Variants in PLEKHA6 observed in about 807,000 individuals in gnomAD.
The protein encoded by PLEKHA6 is pleckstrin homology domain containing A6, also known as pleckstrin homology domain-containing family A member 6.
In PLEKHA6, 60 loss-of-function variants were observed where a neutral mutation model predicts 116.7. The ratio of observed to expected loss-of-function variants is 0.51; its 90% CI spans 0.42 to 0.64. The LOEUF is 0.64. Ranked by LOEUF, PLEKHA6 falls within the 30% of genes least tolerant of loss-of-function variation. PLEKHA6 has a pLI of 0.00. For synonymous variants in PLEKHA6, 489 were observed against 556.1 expected, an observed-to-expected ratio of 0.88 and a Z score of 1.70; for missense variants, 1,338 against 1,422.7, an observed-to-expected ratio of 0.94 and a Z score of 0.96.
intron 1 of PLEKHA6, chr1:204,282,684 C>T: frequency 1.0e-6 from 1 of 985,414 alleles, no homozygotes; most frequent in Non-Finnish European, 1.2e-6. Flanking sequence ...GCGATTCTAC[C>T]ACCCAGAAGC....
At chr1:204,234,902 G>A (rs1661727391) in intron 17 of PLEKHA6, among the ~76,000 whole-genome samples, 1 of 145,490 alleles carries the variant, frequency 6.9e-6, no homozygotes, top group Non-Finnish European at 1.5e-5. Context: ...CTTGCAGGCA[G>A]CCTATTGTGG....
chr1:204,295,243 A>G (rs1356365833), intron 1 of PLEKHA6, among the ~76,000 whole-genome samples: 1 of 152,174 alleles, frequency 6.6e-6, no homozygotes, highest in Non-Finnish European at 1.5e-5. Context: ...TAATCCCAGC[A>G]CTTTGGGAGG....
chr1:204,248,583 G>A (rs766042111), intron 12 of PLEKHA6, among the ~76,000 whole-genome samples: 27 of 152,240 alleles, frequency 1.8e-4, no homozygotes, highest in Non-Finnish European at 3.8e-4. Flanking sequence ...TCCAGGTACA[G>A]GTATAGTTTG....
At chr1:204,306,558 C>T (rs1221207125) in intron 1 of PLEKHA6, among the ~76,000 whole-genome samples, 1 of 152,186 alleles carries the variant, frequency 6.6e-6, no homozygotes, top group Admixed American at 6.5e-5. Flanking sequence ...AGCTTTGATC[C>T]CTTGGGTTGG....
chr1:204,268,459 A>G lies in PLEKHA6; in HGVS notation c.103-147T>C, dbSNP rs185769224. ...CAAGGGGCCCAGGTGTGAATCTTGG[A>G]TCTATTACTAATTCAAGAGCAGAGA... On this transcript the variant is annotated intron_variant, in intron 3 of 22. Coordinates refer to ENST00000272203, the MANE Select transcript of PLEKHA6 (RefSeq NM_014935.5). 965 of 422,736 alleles carry G rather than the reference A, an allele frequency of 2.3e-3. 4 individuals carry two copies. Among genetic ancestry groups the G allele is most frequent in the Non-Finnish European group, 3.6e-3 (867 of 239,832 alleles). The allele number at this position is 422,736 out of a possible 1,614,324, so 26.2% of individuals were successfully genotyped here.
At chr1:204,287,234 C>CT (rs368394401) in intron 1 of PLEKHA6, among the ~76,000 whole-genome samples, 13,256 of 143,752 alleles carry the variant, frequency 0.092, 731 homozygotes, top group Middle Eastern at 0.19. Context: ...CAGTCTCCCT[C>CT]TTTTTTTTTT....
chr1:204,375,300 C>G (rs1673849264), intron 1 of PLEKHA6, among the ~76,000 whole-genome samples: 1 of 152,144 alleles, frequency 6.6e-6, no homozygotes, highest in Non-Finnish European at 1.5e-5. Context: ...CCCCCGGGAA[C>G]CTCAACTGCA....
intron 1 of PLEKHA6, chr1:204,309,854 C>A: frequency 9.7e-6 from 2 of 205,574 alleles, no homozygotes; most frequent in Non-Finnish European, 1.7e-5. Context: ...GTAGGCCATA[C>A]AGTCCCTGTT....
chr1:204,376,189 G>C (rs1258784236), intron 1 of PLEKHA6, among the ~76,000 whole-genome samples: 3 of 152,206 alleles, frequency 2.0e-5, no homozygotes, highest in Admixed American at 1.3e-4. Context: ...AAGAGGAAAA[G>C]AATCTGGATG....
chr1:204,317,617 C>T (rs1021102894), intron 1 of PLEKHA6, among the ~76,000 whole-genome samples: 2 of 152,210 alleles, frequency 1.3e-5, no homozygotes, highest in South Asian at 4.1e-4. Flanking sequence ...TTTCCTCTAA[C>T]TACCCTGTCT....
chr1:204,225,286 A>C (rs561558354), intron 21 of PLEKHA6, among the ~76,000 whole-genome samples: 43 of 152,368 alleles, frequency 2.8e-4, no homozygotes, highest in African/African-American at 1.0e-3. Flanking sequence ...ATGATAATAC[A>C]TGAGCAAGAA....
At chr1:204,241,057 GAC>G (rs1233545126) in intron 17 of PLEKHA6, among the ~76,000 whole-genome samples, 3 of 152,118 alleles carry the variant, frequency 2.0e-5, no homozygotes, top group African/African-American at 7.2e-5. Flanking sequence ...TCAGCTTGTA[GAC>G]AGCCTATTGT....
chr1:204,334,090 C>T (rs1672554003), intron 1 of PLEKHA6, among the ~76,000 whole-genome samples: 1 of 152,134 alleles, frequency 6.6e-6, no homozygotes, highest in South Asian at 2.1e-4. Context: ...AGAACCTGCT[C>T]TGGGGGAAGT....
At chr1:204,295,050 C>T (rs1015735059) in intron 1 of PLEKHA6, among the ~76,000 whole-genome samples, 10 of 152,178 alleles carry the variant, frequency 6.6e-5, no homozygotes, top group Admixed American at 5.2e-4. Context: ...GGAGCCAGAA[C>T]AATTAACACC....
chr1:204,319,334 C>A (rs1671974635), intron 1 of PLEKHA6, among the ~76,000 whole-genome samples: 2 of 152,190 alleles, frequency 1.3e-5, no homozygotes, highest in South Asian at 4.1e-4. Flanking sequence ...TGAGAGCTGG[C>A]TAACTATCTC....
intron 18 of PLEKHA6, 52 bp downstream of exon 18, chr1:204,230,361 C>A: frequency 7.1e-7 from 1 of 1,407,726 alleles, no homozygotes; most frequent in Non-Finnish European, 9.6e-7. Context: ...TGGGAGTGGG[C>A]AGTGTTGGCA....
Position 204,245,981 on chromosome 1 carries a change from G to A in PLEKHA6, c.1921-255C>T, listed in dbSNP as rs901168730. On this transcript the variant is annotated intron_variant, in intron 13 of 22. Coordinates refer to ENST00000272203, the MANE Select transcript of PLEKHA6 (RefSeq NM_014935.5). Reference sequence around the variant, plus strand: ...GAGTTTCTGAACCAAGACTGAGGACGCACCCTTCCGAGCTCCCTCAGGGGA... The same window carrying A: ...GAGTTTCTGAACCAAGACTGAGGACACACCCTTCCGAGCTCCCTCAGGGGA... Among the ~76,000 whole-genome samples, 13 of 151,946 alleles carry A rather than the reference G, an allele frequency of 8.6e-5. 1 individual carries two copies. The highest frequency in any genetic ancestry group is 6.5e-4 in the Admixed American group (10 of 15,270).
intron 5 of PLEKHA6, among the ~76,000 whole-genome samples, chr1:204,265,693 G>A (rs1199869452): frequency 1.3e-5 from 2 of 152,146 alleles, no homozygotes; most frequent in South Asian, 2.1e-4. Context: ...TGGTGCCTCT[G>A]GGTAACTCTT....
At chr1:204,313,155 G>A (rs1005018700) in intron 1 of PLEKHA6, among the ~76,000 whole-genome samples, 17 of 138,996 alleles carry the variant, frequency 1.2e-4, no homozygotes, top group Non-Finnish European at 2.6e-4. Context: ...CTGGCTTCAA[G>A]AGGTCCTCCC....
Sources: allele counts gnomAD v4.1 joint callset (sites outside exome capture counted in the v4.1 genomes callset), GRCh38; gene constraint gnomAD v4.1.1; transcripts MANE v1.5; gene names NCBI Gene and HGNC (gene_info 2026-07-23, HGNC 2026-07-21).